B3GNT5: variants seen among roughly 807,000 people sequenced by gnomAD.
The protein encoded by B3GNT5 is lactosylceramide 1,3-N-acetyl-beta-D-glucosaminyltransferase.
B3GNT5 carries 11 observed loss-of-function variants against 25.9 expected under a neutral mutation model. That is an observed-to-expected ratio of 0.42 (90% CI 0.27 to 0.70). B3GNT5 has a LOEUF of 0.70. Ranked by LOEUF, B3GNT5 falls within the 30% of genes least tolerant of loss-of-function variation. The pLI is 0.23. For synonymous variants in B3GNT5, 166 were observed against 158.6 expected, an observed-to-expected ratio of 1.05 and a Z score of -0.35; for missense variants, 385 against 458.4, an observed-to-expected ratio of 0.84 and a Z score of 1.46.
intron 1 of B3GNT5, chr3:183,254,781 G>A (rs980648467): frequency 2.0e-5 from 3 of 152,300 alleles, no homozygotes; most frequent in African/African-American, 4.8e-5. Flanking sequence ...ACTGGCGGGG[G>A]AAATGGGGAC....
chr3:183,259,025 TA>T (rs1725343459), intron 1 of B3GNT5, among the ~76,000 whole-genome samples: 1 of 152,230 alleles, frequency 6.6e-6, no homozygotes, highest in African/African-American at 2.4e-5. Flanking sequence ...GACACGACCA[TA>T]AATTTTTTTT....
intron 1 of B3GNT5, among the ~76,000 whole-genome samples, chr3:183,269,000 T>C (rs1458894648): frequency 6.6e-6 from 1 of 152,094 alleles, no homozygotes; most frequent in Admixed American, 6.5e-5. Flanking sequence ...ACTCCTTGAT[T>C]ATGAACCTTA....
chr3:183,264,639 C>A (rs1333281925), intron 1 of B3GNT5, among the ~76,000 whole-genome samples: 1 of 152,228 alleles, frequency 6.6e-6, no homozygotes, highest in Non-Finnish European at 1.5e-5. Context: ...ACCTCCCCAT[C>A]TTGATTAAAA....
rs757410219 is a variant in B3GNT5, at chr3:183,270,432, C to A, written c.634C>A (p.Gln212Lys). Reference sequence around the variant, plus strand: ...GATTGAGTACCTTCAAAGTTTAGAACAAATTGGTGTTCAAGACTTTTGGAT... The same window carrying A: ...GATTGAGTACCTTCAAAGTTTAGAAAAAATTGGTGTTCAAGACTTTTGGAT... ...NLIEYLQSLE[Q>K]IGVQDFWIGR... The change falls in exon 2 of 2, where the codon CAA becomes AAA. Residue 212 changes from glutamine to lysine, a missense_variant. By Grantham distance (53) the Gln-to-Lys change is moderately conservative. Transcript: ENST00000326505. The surrounding 1 kb of genome is among the most constrained non-coding windows in gnomAD (Gnocchi z 4.5). 4 of 1,614,018 alleles carry A rather than the reference C, an allele frequency of 2.5e-6. No individual in the cohort carries two copies. The highest frequency in any genetic ancestry group is 3.4e-6 in the Non-Finnish European group (4 of 1,180,036).
At chr3:183,264,776 C>G (rs1433440925) in intron 1 of B3GNT5, among the ~76,000 whole-genome samples, 1 of 152,182 alleles carries the variant, frequency 6.6e-6, no homozygotes, top group Non-Finnish European at 1.5e-5. Context: ...AACTTGTAGC[C>G]TTTGGGTGTT....
At chr3:183,259,148 A>G (rs1331277946) in intron 1 of B3GNT5, among the ~76,000 whole-genome samples, 1 of 152,216 alleles carries the variant, frequency 6.6e-6, no homozygotes, top group Non-Finnish European at 1.5e-5. Context: ...AAGCCCACCC[A>G]ACATAATGCA....
At position 183,269,948 on chromosome 3, in the gene B3GNT5, C is replaced by T. The variant is rs766157915; in HGVS notation, c.150C>T (p.Tyr50=). 5.6e-6 allele frequency: 9 copies of T among 1,613,978 alleles called. No homozygotes were observed. The highest frequency in any genetic ancestry group is 3.3e-5 in the Admixed American group (2 of 60,002). The change falls in exon 2 of 2, where the codon TAC becomes TAT. Residue 50 remains tyrosine, a synonymous_variant. Transcript: ENST00000326505. ...VSHMKSYSYR[Y]LINSYDFVND... Reference sequence around the variant, plus strand: ...ATATGAAGTCATATTCTTACAGATACCTCATAAATAGCTATGACTTTGTGA... The same window carrying T: ...ATATGAAGTCATATTCTTACAGATATCTCATAAATAGCTATGACTTTGTGA...
Position 183,270,657 on chromosome 3 carries a change from G to GGCC in B3GNT5, c.860_862dup (p.Gly287_Leu288insArg). On this transcript the variant is annotated inframe_insertion, in exon 2 of 2. Transcript: ENST00000326505. The surrounding 1 kb of genome is among the most constrained non-coding windows in gnomAD (Gnocchi z 4.5). ...TCTTTACATAGACGATGTGTTCATG[G>GGCC]GCCTCTGTGCCAATAAAATAGGGAT... 1 of 1,614,054 alleles carries GGCC rather than the reference G, an allele frequency of 6.2e-7. No homozygotes were observed. The highest frequency in any genetic ancestry group is 8.5e-7 in the Non-Finnish European group (1 of 1,180,026).
chr3:183,270,931 T>A lies in B3GNT5; in HGVS notation c.1133T>A (p.Ile378Asn). ...VDTYPCRAAF[I>N] ...ACATACCCTTGTAGGGCTGCGTTTATCTAATAGTACTTGAATGTTGTATGT... is the reference window on the plus strand; with the variant it reads ...ACATACCCTTGTAGGGCTGCGTTTAACTAATAGTACTTGAATGTTGTATGT... The change falls in exon 2 of 2, where the codon ATC (isoleucine) becomes AAC (asparagine). Residue 378 changes from isoleucine to asparagine, a missense_variant. Physicochemically the swap from Ile to Asn is moderately radical, Grantham distance 149. Coordinates refer to ENST00000326505, the MANE Select transcript of B3GNT5 (RefSeq NM_032047.5). This position sits in a 1 kb window ranked among gnomAD's most constrained non-coding sequence, Gnocchi z 4.5. The A allele has an allele frequency of 6.4e-7, 1 of 1,563,872 alleles. No homozygotes were observed. Among genetic ancestry groups the A allele is most frequent in the Non-Finnish European group, 8.6e-7 (1 of 1,159,946 alleles).
At chr3:183,253,520 C>T (rs553773069) in intron 1 of B3GNT5, 48 bp downstream of exon 1, 2 of 152,340 alleles carry the variant, frequency 1.3e-5, no homozygotes, top group Admixed American at 6.5e-5. Flanking sequence ...CCCCTCTTCT[C>T]GTATTTTAGA....
At chr3:183,254,991 T>C (rs769771897) in intron 1 of B3GNT5, among the ~76,000 whole-genome samples, 6 of 152,204 alleles carry the variant, frequency 3.9e-5, no homozygotes, top group Non-Finnish European at 8.8e-5. Context: ...TTGGCCGGTG[T>C]TGGTTTTCTT....
In B3GNT5 at chr3:183,269,773, C is replaced by A; in HGVS notation, c.-26C>A. On this transcript the variant is annotated 5_prime_UTR_variant, in exon 2 of 2. Transcript: ENST00000326505. ...AGCCCGTGCCTGTTTAAAACTGATC[C>A]TAACTAAAAACAGACTTGAGTGGAT... 1.3e-6 allele frequency: 2 copies of A among 1,573,300 alleles called. No homozygotes were observed. Among genetic ancestry groups the A allele is most frequent in the South Asian group, 1.2e-5 (1 of 82,226 alleles).
At chr3:183,263,962 T>C (rs951742759) in intron 1 of B3GNT5, among the ~76,000 whole-genome samples, 4 of 152,080 alleles carry the variant, frequency 2.6e-5, no homozygotes, top group Non-Finnish European at 5.9e-5. Context: ...CCTCACCTCA[T>C]CCGGCATCAG....
intron 1 of B3GNT5, chr3:183,253,798 G>A (rs1385283136): frequency 2.6e-5 from 4 of 152,318 alleles, no homozygotes; most frequent in Non-Finnish European, 4.4e-5. Flanking sequence ...GAGCGCCCTG[G>A]GCCGGTGGTT....
chr3:183,272,522 A>G lies in B3GNT5; in HGVS notation c.*1587A>G. 2.0e-6 allele frequency: 2 copies of G among 993,960 alleles called. No individual in the cohort carries two copies. The highest frequency in any genetic ancestry group is 2.4e-6 in the Non-Finnish European group (2 of 824,608). The allele number at this position is 993,960 out of a possible 1,614,324, so 61.6% of individuals were successfully genotyped here. Reference sequence around the variant, plus strand: ...CTTTTTAATGTTTACAGAAATTTTAATTTTTTTCTATTTTGAAATTTGAGG... The same window carrying G: ...CTTTTTAATGTTTACAGAAATTTTAGTTTTTTTCTATTTTGAAATTTGAGG... On this transcript the variant is annotated 3_prime_UTR_variant, in exon 2 of 2. Coordinates refer to ENST00000326505, the MANE Select transcript of B3GNT5 (RefSeq NM_032047.5).
Position 183,272,843 on chromosome 3 carries a change from T to G in B3GNT5, c.*1908T>G. ...TTGCCATTGGTTGAAAACATAAGTG[T>G]CTCTGGCCATCAAAGTGATCTTGTT... On this transcript the variant is annotated 3_prime_UTR_variant, in exon 2 of 2. Coordinates refer to ENST00000326505, the MANE Select transcript of B3GNT5 (RefSeq NM_032047.5). 8.0e-7 allele frequency: 1 copy of G among 1,249,692 alleles called. No homozygotes were observed. Among genetic ancestry groups the G allele is most frequent in the Non-Finnish European group, 1.0e-6 (1 of 985,658 alleles). 77.4% of individuals were successfully genotyped at this position (1,249,692 alleles called of 1,614,324 possible).
In B3GNT5 at chr3:183,270,278, C is replaced by T. The variant is rs1335770040; in HGVS notation, c.480C>T (p.Asp160=). Residue 160 remains aspartate, a synonymous_variant, in exon 2 of 2, where the codon GAC becomes GAT. Transcript: ENST00000326505. The surrounding 1 kb of genome is among the most constrained non-coding windows in gnomAD (Gnocchi z 4.5). ...DQRYNDIIQQ[D]FVDSFYNLTL... is the part of the protein sequence containing the mutation. Reference sequence around the variant, plus strand: ...GGTACAATGATATAATTCAGCAAGACTTTGTTGATTCTTTCTACAATCTTA... The same window carrying T: ...GGTACAATGATATAATTCAGCAAGATTTTGTTGATTCTTTCTACAATCTTA... 1 of 1,614,158 alleles carries T rather than the reference C, an allele frequency of 6.2e-7. No individual in the cohort carries two copies. The highest frequency in any genetic ancestry group is 1.7e-5 in the Admixed American group (1 of 60,026).
rs1041201754 is a variant in B3GNT5, at chr3:183,272,289, C to T, written c.*1354C>T. 8.0e-6 allele frequency: 8 copies of T among 1,000,118 alleles called. No individual in the cohort carries two copies. In the African/African-American group the frequency reaches 1.4e-4, roughly 17 times the overall value. 62.0% of individuals were successfully genotyped at this position (1,000,118 alleles called of 1,614,324 possible). ...TACAGAAAGAACTAGGTGGTGTCTACTGCTAGGGAGATTATATGAAGGCCA... is the reference window on the plus strand; with the variant it reads ...TACAGAAAGAACTAGGTGGTGTCTATTGCTAGGGAGATTATATGAAGGCCA... On this transcript the variant is annotated 3_prime_UTR_variant, in exon 2 of 2. Transcript: ENST00000326505.
intron 1 of B3GNT5, among the ~76,000 whole-genome samples, chr3:183,259,472 A>AT (rs2108412109): frequency 6.6e-6 from 1 of 152,240 alleles, no homozygotes; most frequent in Admixed American, 6.5e-5. Context: ...TCTCTTCATC[A>AT]GGTTTACTTC....
Sources: allele counts gnomAD v4.1 joint callset (sites outside exome capture counted in the v4.1 genomes callset), GRCh38; gene constraint gnomAD v4.1.1; non-coding constraint Gnocchi (gnomAD v3.1); transcripts MANE v1.5; gene names NCBI Gene and HGNC (gene_info 2026-07-23, HGNC 2026-07-21).